Variants in WWOX observed in about 807,000 individuals in gnomAD.
WWOX encodes the protein WW domain containing oxidoreductase.
WWOX carries 69 observed loss-of-function variants against 46.2 expected under a neutral mutation model. That is an observed-to-expected ratio of 1.49 (90% CI 1.23 to 1.82). The LOEUF is 1.82. Ranked by LOEUF, WWOX falls within the 40% of genes most tolerant of loss-of-function variation. The pLI is 0.00. For synonymous variants in WWOX, 359 were observed against 202.6 expected (o/e 1.77, Z -6.56); for missense variants, 919 against 542.6 (o/e 1.69, Z -6.89).
At chr16:78,390,815 G>C (rs534719796) in intron 6 of WWOX, among the ~76,000 whole-genome samples, 2 of 152,278 alleles carry the variant, frequency 1.3e-5, no homozygotes, top group African/African-American at 4.8e-5. Context: ...ATGAAAGAAA[G>C]GCTGCCAGTT....
intron 8 of WWOX, among the ~76,000 whole-genome samples, chr16:78,680,851 C>T (rs1218226782): frequency 6.6e-6 from 1 of 152,112 alleles, no homozygotes; most frequent in East Asian, 1.9e-4. Context: ...TGGCTCATGC[C>T]TGTAATCCTA....
At chr16:78,438,714 G>A (rs948980768) in intron 8 of WWOX, among the ~76,000 whole-genome samples, 2 of 152,132 alleles carry the variant, frequency 1.3e-5, no homozygotes, top group Admixed American at 6.5e-5. Flanking sequence ...TTAAAAAATG[G>A]CTTACGTTTA....
intron 8 of WWOX, among the ~76,000 whole-genome samples, chr16:79,182,260 T>G (rs549935937): frequency 6.6e-6 from 1 of 152,120 alleles, no homozygotes; most frequent in Non-Finnish European, 1.5e-5. Context: ...TACTGCACAC[T>G]GTAGGGTATC....
intron 8 of WWOX, among the ~76,000 whole-genome samples, chr16:78,554,227 C>T (rs761916761): frequency 6.6e-6 from 1 of 151,958 alleles, no homozygotes; most frequent in East Asian, 1.9e-4. Flanking sequence ...TGCATGTGGA[C>T]ATGATGGAAA....
At chr16:78,216,461 G>C (rs1020666843) in intron 5 of WWOX, among the ~76,000 whole-genome samples, 8 of 152,074 alleles carry the variant, frequency 5.3e-5, no homozygotes, top group African/African-American at 7.2e-5. Flanking sequence ...AGTCCTACAG[G>C]GTTCTCCTTG....
At chr16:79,102,343 C>T (rs1057406244) in intron 8 of WWOX, among the ~76,000 whole-genome samples, 12 of 152,124 alleles carry the variant, frequency 7.9e-5, no homozygotes, top group Non-Finnish European at 1.8e-4. Context: ...AATGGGCAAA[C>T]TGGGAGGGTG....
chr16:78,788,454 G>C (rs1487577922), intron 8 of WWOX, among the ~76,000 whole-genome samples: 2 of 152,144 alleles, frequency 1.3e-5, no homozygotes, highest in East Asian at 3.9e-4. Context: ...AGTCAGTCCT[G>C]CCTTATGCCC....
At chr16:78,730,107 A>T (rs1389865344) in intron 8 of WWOX, among the ~76,000 whole-genome samples, 1 of 152,150 alleles carries the variant, frequency 6.6e-6, no homozygotes, top group Admixed American at 6.5e-5. Flanking sequence ...CCTTGCTATA[A>T]ACGCTTAAGG....
At position 78,991,425 on chromosome 16, in the gene WWOX, C is replaced by A. The variant is rs114065696; in HGVS notation, c.1057-220183C>A. Among the ~76,000 whole-genome samples, 556 of 152,070 alleles carry A rather than the reference C, an allele frequency of 3.7e-3. 3 individuals are homozygous for A. Among genetic ancestry groups the A allele is most frequent in the African/African-American group, 0.013 (536 of 41,496 alleles). ...CCTGGTCAACACAAGGAGACTTCAT[C>A]TCTATAAATAATAAAAAAATTAAAA... On this transcript the variant is annotated intron_variant, in intron 8 of 8. Coordinates refer to ENST00000566780, the MANE Select transcript of WWOX (RefSeq NM_016373.4).
intron 5 of WWOX, among the ~76,000 whole-genome samples, chr16:78,295,683 C>A (rs2079934136): frequency 6.6e-6 from 1 of 152,024 alleles, no homozygotes; most frequent in African/African-American, 2.4e-5. Flanking sequence ...TGGACTCCGG[C>A]CTGGGTGGCT....
intron 8 of WWOX, among the ~76,000 whole-genome samples, chr16:78,794,600 A>G (rs2050690641): frequency 6.6e-6 from 1 of 152,202 alleles, no homozygotes; most frequent in Admixed American, 6.5e-5. Context: ...AGAATTAACT[A>G]AAGTACCATC....
chr16:78,594,264 C>T (rs749836376), intron 8 of WWOX, among the ~76,000 whole-genome samples: 10 of 152,088 alleles, frequency 6.6e-5, no homozygotes, highest in Non-Finnish European at 1.5e-4. Flanking sequence ...TGGTCCTCTG[C>T]AGCCTTGCAA....
chr16:78,394,074 T>G (rs933187374), intron 6 of WWOX, among the ~76,000 whole-genome samples: 1 of 152,190 alleles, frequency 6.6e-6, no homozygotes, highest in Non-Finnish European at 1.5e-5. Context: ...ATAAATAAAT[T>G]CCAAATTTTG....
chr16:78,515,814 G>C (rs374795226), intron 8 of WWOX, among the ~76,000 whole-genome samples: 22 of 152,120 alleles, frequency 1.4e-4, no homozygotes, highest in African/African-American at 5.3e-4. Context: ...CAATAAGTCA[G>C]CACCTTCAGT....
At chr16:78,775,521 G>A (rs1348705046) in intron 8 of WWOX, among the ~76,000 whole-genome samples, 1 of 152,216 alleles carries the variant, frequency 6.6e-6, no homozygotes, top group South Asian at 2.1e-4. Flanking sequence ...GGGGGGTGGG[G>A]TATCAAGGGA....
intron 8 of WWOX, among the ~76,000 whole-genome samples, chr16:78,862,294 A>G (rs2043905429): frequency 6.6e-6 from 1 of 151,160 alleles, no homozygotes; most frequent in African/African-American, 2.4e-5. Flanking sequence ...GTCTTTCTGT[A>G]TCTATACACA....
intron 8 of WWOX, among the ~76,000 whole-genome samples, chr16:79,195,591 C>T (rs2051224199): frequency 6.6e-6 from 1 of 152,190 alleles, no homozygotes; most frequent in Non-Finnish European, 1.5e-5. Context: ...GAAGCCATGC[C>T]TCTCTAACTT....
At chr16:78,795,596 C>T (rs9939233) in intron 8 of WWOX, among the ~76,000 whole-genome samples, 16,323 of 152,258 alleles carry the variant, frequency 0.11, 918 homozygotes, top group Non-Finnish European at 0.12. Context: ...ACAGTGCTTT[C>T]TTGGAGCACC....
intron 8 of WWOX, among the ~76,000 whole-genome samples, chr16:79,150,332 A>C (rs1319873630): frequency 6.6e-6 from 1 of 152,232 alleles, no homozygotes. Flanking sequence ...CTCATGCATC[A>C]GGAACTTGGA....
Sources: gnomAD v4.1 joint callset for allele counts (sites outside exome capture counted in the v4.1 genomes callset) on GRCh38, gnomAD v4.1.1 for gene constraint, MANE v1.5 for transcripts, NCBI Gene and HGNC (gene_info 2026-07-23, HGNC 2026-07-21) for gene names.